Variants in GRID1 observed in about 807,000 individuals in gnomAD.
GRID1 encodes the protein glutamate ionotropic receptor delta type subunit 1.
A neutral mutation model predicts 98.0 loss-of-function variants in GRID1; 28 were observed. The ratio of observed to expected loss-of-function variants is 0.29; its 90% CI spans 0.21 to 0.39. GRID1 has a LOEUF of 0.39. Ranked by LOEUF, GRID1 falls within the 10% of genes least tolerant of loss-of-function variation. GRID1 has a pLI of 1.00. For synonymous variants in GRID1, 553 were observed against 538.5 expected (o/e 1.03, Z -0.37); for missense variants, 1,111 against 1,340.5 (o/e 0.83, Z 2.67).
chr10:86,205,263 G>A (rs1414003990), intron 3 of GRID1, among the ~76,000 whole-genome samples: 2 of 152,196 alleles, frequency 1.3e-5, no homozygotes, highest in East Asian at 3.9e-4. Context: ...GACAAAATGG[G>A]ACTTTTGAAG....
At chr10:86,249,049 G>A (rs967421561) in intron 2 of GRID1, among the ~76,000 whole-genome samples, 7 of 151,538 alleles carry the variant, frequency 4.6e-5, no homozygotes, top group African/African-American at 1.7e-4. Flanking sequence ...ACTGCCAGGG[G>A]GCCGAGATCA....
At chr10:86,176,136 C>T (rs1404222556) in intron 3 of GRID1, among the ~76,000 whole-genome samples, 2 of 152,250 alleles carry the variant, frequency 1.3e-5, no homozygotes, top group Non-Finnish European at 2.9e-5. Flanking sequence ...AGCTGCTGCG[C>T]CCAGCCAGAA....
chr10:85,620,607 T>C (rs887788678), intron 13 of GRID1, among the ~76,000 whole-genome samples: 2 of 152,214 alleles, frequency 1.3e-5, no homozygotes, highest in Non-Finnish European at 2.9e-5. Context: ...TAGAGCCCCC[T>C]GTGCATGAGG....
rs1204506512 is a variant in GRID1, at chr10:86,182,438, T to C, written c.520+23926A>G. 3.9e-5 allele frequency among the ~76,000 whole-genome samples: 6 copies of C among 152,338 alleles called. No homozygotes were observed. In the East Asian group the frequency reaches 1.2e-3, roughly 29 times the overall value. On this transcript the variant is annotated intron_variant, in intron 3 of 15. Coordinates refer to ENST00000327946, the MANE Select transcript of GRID1 (RefSeq NM_017551.3). ...AGGCCGCCCCAGCACGGCAGCCTGG[T>C]GTCTCGGGCATGCTAATTACCGTGC... is the stretch of plus-strand genomic sequence containing the variant.
intron 2 of GRID1, among the ~76,000 whole-genome samples, chr10:86,276,996 A>C (rs1847281065): frequency 6.6e-6 from 1 of 152,240 alleles, no homozygotes; most frequent in South Asian, 2.1e-4. Context: ...TGCTTATCTA[A>C]GATACCTAAA....
intron 8 of GRID1, among the ~76,000 whole-genome samples, chr10:85,737,757 C>A (rs1841901179): frequency 7.1e-6 from 1 of 141,028 alleles, no homozygotes; most frequent in South Asian, 2.2e-4. Context: ...TATATACAAC[C>A]ATATATATAT....
chr10:86,038,521 T>C (rs1400655564), intron 4 of GRID1, among the ~76,000 whole-genome samples: 1 of 152,222 alleles, frequency 6.6e-6, no homozygotes, highest in Non-Finnish European at 1.5e-5. Flanking sequence ...TGTTTGCTCA[T>C]GAGCCTCAAA....
intron 13 of GRID1, among the ~76,000 whole-genome samples, chr10:85,624,336 C>T (rs1472062356): frequency 3.9e-5 from 6 of 152,160 alleles, no homozygotes; most frequent in Non-Finnish European, 5.9e-5. Flanking sequence ...AATTTCCAAT[C>T]GCTGACTTAC....
intron 5 of GRID1, among the ~76,000 whole-genome samples, chr10:85,915,547 A>G (rs984926072): frequency 6.6e-6 from 1 of 151,790 alleles, no homozygotes; most frequent in Non-Finnish European, 1.5e-5. Context: ...ATACACTTGC[A>G]CATGCATGCA....
At chr10:85,913,661 C>T (rs1197848041) in intron 5 of GRID1, among the ~76,000 whole-genome samples, 5 of 150,580 alleles carry the variant, frequency 3.3e-5, no homozygotes, top group African/African-American at 4.9e-5. Flanking sequence ...AGCTGGCACA[C>T]GCCTGTAGTC....
chr10:86,344,143 C>A (rs991908279), intron 2 of GRID1, among the ~76,000 whole-genome samples: 20 of 152,234 alleles, frequency 1.3e-4, no homozygotes, highest in African/African-American at 4.8e-4. Context: ...TGACTGAATT[C>A]CTGGGGCCTG....
At chr10:85,930,616 C>T (rs932720029) in intron 4 of GRID1, among the ~76,000 whole-genome samples, 3 of 151,652 alleles carry the variant, frequency 2.0e-5, no homozygotes, top group Non-Finnish European at 4.4e-5. Context: ...TTACTTTTAT[C>T]TTGTTTTGGT....
At chr10:85,854,977 C>T (rs1040609020) in intron 7 of GRID1, among the ~76,000 whole-genome samples, 7 of 152,216 alleles carry the variant, frequency 4.6e-5, no homozygotes, top group Non-Finnish European at 7.3e-5. Context: ...GTTCCAGGGG[C>T]TCACCTTAGC....
chr10:86,303,465 CAGGA>C (rs112034276), intron 2 of GRID1, among the ~76,000 whole-genome samples: 1,686 of 152,280 alleles, frequency 0.011, 40 homozygotes, highest in African/African-American at 0.039. Context: ...CTGTGCTCAG[CAGGA>C]AGGAGGGGCA....
chr10:85,784,595 C>T (rs1015617151), intron 8 of GRID1, among the ~76,000 whole-genome samples: 2 of 152,212 alleles, frequency 1.3e-5, no homozygotes, highest in Non-Finnish European at 2.9e-5. Flanking sequence ...AATTCTAGGA[C>T]CGTGTCTGGT....
At chr10:86,025,973 A>G (rs1843110899) in intron 4 of GRID1, among the ~76,000 whole-genome samples, 1 of 152,172 alleles carries the variant, frequency 6.6e-6, no homozygotes, top group Non-Finnish European at 1.5e-5. Flanking sequence ...GGGGCAGGGG[A>G]GCAGCCACTT....
intron 13 of GRID1, among the ~76,000 whole-genome samples, chr10:85,636,666 G>A (rs1843046631): frequency 6.6e-6 from 1 of 151,964 alleles, no homozygotes. Context: ...AAATCACAAT[G>A]AAAGATATGA....
chr10:85,811,525 A>G (rs1842670639), intron 8 of GRID1, among the ~76,000 whole-genome samples: 1 of 152,192 alleles, frequency 6.6e-6, no homozygotes, highest in African/African-American at 2.4e-5. Flanking sequence ...AAAGAACCAA[A>G]CAAAAATTCT....
intron 4 of GRID1, among the ~76,000 whole-genome samples, chr10:86,024,007 C>T (rs997983235): frequency 1.3e-5 from 2 of 152,150 alleles, no homozygotes; most frequent in Admixed American, 1.3e-4. Context: ...ATGCCTTCCT[C>T]TTCTTCCTCT....
Sources: gnomAD v4.1 joint callset for allele counts (sites outside exome capture counted in the v4.1 genomes callset) on GRCh38, gnomAD v4.1.1 for gene constraint, MANE v1.5 for transcripts, NCBI Gene and HGNC (gene_info 2026-07-23, HGNC 2026-07-21) for gene names.